COL11A1: variants seen among roughly 807,000 people sequenced by gnomAD.
COL11A1 encodes the protein collagen alpha-1(XI) chain.
COL11A1 carries 74 observed loss-of-function variants against 265.2 expected under a neutral mutation model. The observed-to-expected ratio is 0.28, with a 90% CI of 0.23 to 0.34. COL11A1 has a LOEUF of 0.34. Among genes scored for constraint, COL11A1 ranks in the 10% least tolerant of loss-of-function variants. The pLI, the probability that COL11A1 is intolerant of heterozygous loss-of-function variation, is 1.00. For synonymous variants in COL11A1, 816 were observed against 727.6 expected (o/e 1.12, Z -1.96); for missense variants, 2,165 against 2,263.6 (o/e 0.96, Z 0.88).
chr1:102,920,905 C>T (rs1424093037), intron 48 of COL11A1, among the ~76,000 whole-genome samples: 2 of 152,062 alleles, frequency 1.3e-5, no homozygotes, highest in African/African-American at 4.8e-5. Context: ...ATGAAGGAAA[C>T]ATAGACTTCT....
intron 1 of COL11A1, among the ~76,000 whole-genome samples, 153 bp downstream of exon 1, chr1:103,107,920 C>G (rs1266670786): frequency 6.6e-6 from 1 of 151,810 alleles, no homozygotes; most frequent in Non-Finnish European, 1.5e-5. Context: ...CCAATTCCAA[C>G]CTGGTAGCAG....
chr1:103,003,332 T>A (rs1483250753), intron 20 of COL11A1, 64 bp from the exon 21 acceptor site: 1 of 1,465,736 alleles, frequency 6.8e-7, no homozygotes, highest in Non-Finnish European at 9.4e-7. Flanking sequence ...ACATGCCTCT[T>A]TCAATGAAGA....
At chr1:103,085,809 A>G (rs1672806480) in intron 1 of COL11A1, among the ~76,000 whole-genome samples, 1 of 152,124 alleles carries the variant, frequency 6.6e-6, no homozygotes, top group Non-Finnish European at 1.5e-5. Flanking sequence ...CTCTTACCTC[A>G]TAACTAAGAA....
At chr1:103,033,867 C>G (rs1015427377) in intron 4 of COL11A1, among the ~76,000 whole-genome samples, 1 of 152,084 alleles carries the variant, frequency 6.6e-6, no homozygotes, top group Non-Finnish European at 1.5e-5. Context: ...ATCCTGGACT[C>G]CAGCTATCTT....
intron 40 of COL11A1, 55 bp downstream of exon 40, chr1:102,962,121 G>T: frequency 7.1e-7 from 1 of 1,400,636 alleles, no homozygotes; most frequent in Non-Finnish European, 1.0e-6. Context: ...GAGAAAAAAT[G>T]CTTCTAATAA....
chr1:102,943,454 C>CAT (rs1411746361), intron 42 of COL11A1, among the ~76,000 whole-genome samples: 3 of 62,074 alleles, frequency 4.8e-5, no homozygotes, highest in Non-Finnish European at 1.0e-4. Flanking sequence ...CACACACATA[C>CAT]ACACACACAC....
intron 4 of COL11A1, among the ~76,000 whole-genome samples, chr1:103,050,108 G>A (rs1233862049): frequency 6.6e-6 from 1 of 152,088 alleles, no homozygotes; most frequent in Non-Finnish European, 1.5e-5. Flanking sequence ...GACTATCTTT[G>A]TGAGGTTCTC....
rs1325073966 is a variant in COL11A1 at position 102,997,200 on chromosome 1, G to T, written c.2197-76C>A. On this transcript the variant is annotated intron_variant, in intron 25 of 66. Transcript: ENST00000370096. ...ATAATACTACGAAAGTATTTCTTTT[G>T]TTATTAAATCTACTAAGATCTTACT... 8 of 1,293,178 alleles carry T rather than the reference G, an allele frequency of 6.2e-6. No homozygotes were observed. The Admixed American group carries it at 6.8e-5, about 11-fold the overall frequency. The allele number at this position is 1,293,178 out of a possible 1,614,324, so 80.1% of individuals were successfully genotyped here. A position where few individuals can be genotyped will look rare whatever the true frequency, so the allele number is the denominator to read the frequency against.
chr1:103,052,256 G>T (rs543786748), intron 4 of COL11A1, among the ~76,000 whole-genome samples: 35 of 151,790 alleles, frequency 2.3e-4, no homozygotes, highest in Non-Finnish European at 4.7e-4. Context: ...GTCACAAAAA[G>T]AATTCTAAAA....
rs1247397017 is a variant in COL11A1 at position 103,002,760 on chromosome 1, G to T, written c.2030C>A (p.Pro677Gln). The change falls in exon 22 of 67, where the codon CCA (proline) becomes CAA (glutamine). Residue 677 changes from proline (P) to glutamine (Q), a missense_variant. Physicochemically the swap from Pro to Gln is moderately conservative, Grantham distance 76. Coordinates refer to ENST00000370096, the MANE Select transcript of COL11A1 (RefSeq NM_001854.4). ...GMAGVDGPPG[P>Q]KGNMGPQGEP... Reference sequence around the variant, plus strand: ...TTTGCTACATACCATGTTCCCTTTTGGTCCTGGGGGGCCATCTACACCTGC... The same window carrying T: ...TTTGCTACATACCATGTTCCCTTTTTGTCCTGGGGGGCCATCTACACCTGC... The T allele has an allele frequency of 1.2e-6, 2 of 1,612,622 alleles. No homozygotes were observed. The highest frequency in any genetic ancestry group is 1.1e-5 in the South Asian group (1 of 91,008).
At chr1:103,087,994 G>A (rs2102351964) in intron 1 of COL11A1, among the ~76,000 whole-genome samples, 1 of 152,172 alleles carries the variant, frequency 6.6e-6, no homozygotes, top group Non-Finnish European at 1.5e-5. Context: ...GTCCTAATAT[G>A]TACTTTTTAT....
At chr1:102,969,763 T>A (rs1385065428) in intron 37 of COL11A1, among the ~76,000 whole-genome samples, 1 of 152,212 alleles carries the variant, frequency 6.6e-6, no homozygotes, top group African/African-American at 2.4e-5. Flanking sequence ...AGCCGATGGG[T>A]CCAATATCAG....
chr1:102,975,265 T>TAAA (rs35123438), intron 35 of COL11A1, among the ~76,000 whole-genome samples: 3,089 of 136,274 alleles, frequency 0.023, 98 homozygotes, highest in African/African-American at 0.072. Flanking sequence ...CAGCCCCGCT[T>TAAA]AAAAAAAAAA....
chr1:103,107,939 T>A, intron 1 of COL11A1, 134 bp downstream of exon 1: 1 of 724,252 alleles, frequency 1.4e-6, no homozygotes, highest in Non-Finnish European at 2.4e-6. Flanking sequence ...AGCTACAATC[T>A]GGATTGTATT....
chr1:102,888,361 A>G (rs903328544), intron 62 of COL11A1, among the ~76,000 whole-genome samples: 33 of 152,204 alleles, frequency 2.2e-4, no homozygotes, highest in African/African-American at 7.7e-4. Context: ...AAACAAGACT[A>G]TAATATACAA....
intron 4 of COL11A1, among the ~76,000 whole-genome samples, chr1:103,042,059 T>G (rs372408712): frequency 1.1e-4 from 16 of 152,222 alleles, no homozygotes; most frequent in East Asian, 9.6e-4. Context: ...CTCCTATAAC[T>G]TTTAATTCTA....
chr1:102,920,884 A>G (rs937423498), intron 48 of COL11A1, among the ~76,000 whole-genome samples: 11 of 152,204 alleles, frequency 7.2e-5, no homozygotes, highest in Admixed American at 5.9e-4. Flanking sequence ...AAGAAAATGA[A>G]GACCAGAGAC....
intron 4 of COL11A1, among the ~76,000 whole-genome samples, chr1:103,068,259 T>C (rs1438362032): frequency 6.6e-6 from 1 of 151,680 alleles, no homozygotes; most frequent in African/African-American, 2.4e-5. Flanking sequence ...TACAGTGGAA[T>C]CTATACACCT....
At chr1:103,034,164 A>G (rs1187384241) in intron 4 of COL11A1, among the ~76,000 whole-genome samples, 1 of 152,108 alleles carries the variant, frequency 6.6e-6, no homozygotes, top group Non-Finnish European at 1.5e-5. Context: ...ATGTTTGATT[A>G]TGATGTATCT....
Sources: gnomAD v4.1 joint callset for allele counts (sites outside exome capture counted in the v4.1 genomes callset) on GRCh38, gnomAD v4.1.1 for gene constraint, MANE v1.5 for transcripts, NCBI Gene and HGNC (gene_info 2026-07-23, HGNC 2026-07-21) for gene names.